Variants in CREB5 observed in about 807,000 individuals in gnomAD.
The protein encoded by CREB5 is cyclic AMP-responsive element-binding protein 5.
In CREB5, 19 loss-of-function variants were observed where a neutral mutation model predicts 57.1. The observed-to-expected ratio is 0.33, with a 90% confidence interval of 0.23 to 0.49. The LOEUF (loss-of-function observed/expected upper bound fraction) is 0.49, where lower values mean the gene tolerates loss of function less well. Among genes scored for constraint, CREB5 ranks in the 20% least tolerant of loss-of-function variants. The pLI is 0.99. For missense variants in CREB5, 579 were observed against 671.6 expected (o/e 0.86, Z 1.52); for synonymous variants, 238 against 238.3 (o/e 1.00, Z 0.01).
chr7:28,521,132 A>ATG (rs886106362), intron 4 of CREB5, among the ~76,000 whole-genome samples: 7 of 151,866 alleles, frequency 4.6e-5, no homozygotes, highest in Non-Finnish European at 8.8e-5. Flanking sequence ...TGCACAGTGC[A>ATG]TGTGTGTGTG....
chr7:28,619,297 C>A, intron 5 of CREB5, among the ~76,000 whole-genome samples: 1 of 152,172 alleles, frequency 6.6e-6, no homozygotes, highest in East Asian at 1.9e-4. Context: ...TAGCTTGGAT[C>A]TGGAAGAGAA....
chr7:28,697,059 T>G (rs896541581), intron 5 of CREB5, among the ~76,000 whole-genome samples: 2 of 151,748 alleles, frequency 1.3e-5, no homozygotes, highest in Non-Finnish European at 2.9e-5. Context: ...GTGTATAATA[T>G]GCACACATAC....
At chr7:28,749,674 A>C (rs1291716320) in intron 7 of CREB5, 2 of 152,192 alleles carry the variant, frequency 1.3e-5, no homozygotes, top group Non-Finnish European at 2.9e-5. Flanking sequence ...AGTCATCTGC[A>C]TTTTATAGGT....
chr7:28,487,549 G>C (rs887622863), intron 1 of CREB5, among the ~76,000 whole-genome samples: 4 of 152,160 alleles, frequency 2.6e-5, no homozygotes, highest in African/African-American at 9.7e-5. Context: ...CTGCGTACTT[G>C]GATAACTTTT....
At chr7:28,672,928 A>G (rs1011446595) in intron 5 of CREB5, among the ~76,000 whole-genome samples, 7 of 152,182 alleles carry the variant, frequency 4.6e-5, no homozygotes, top group Admixed American at 1.3e-4. Flanking sequence ...TTTTCCATAA[A>G]TTTGAAGTAA....
chr7:28,516,549 T>TAAC (rs1792964708), intron 4 of CREB5, among the ~76,000 whole-genome samples: 3 of 152,184 alleles, frequency 2.0e-5, no homozygotes. Flanking sequence ...CTGCAGCCTG[T>TAAC]AAGGGCCACT....
chr7:28,785,281 G>T (rs747417876), intron 7 of CREB5, among the ~76,000 whole-genome samples: 1 of 152,200 alleles, frequency 6.6e-6, no homozygotes, highest in Non-Finnish European at 1.5e-5. Flanking sequence ...TCTCAGAGGT[G>T]CTTGCGTTAT....
chr7:28,559,471 C>T (rs1240646513), intron 4 of CREB5, among the ~76,000 whole-genome samples: 1 of 152,140 alleles, frequency 6.6e-6, no homozygotes, highest in Non-Finnish European at 1.5e-5. Context: ...TGTGCCACCA[C>T]ACCCAGCTAA....
chr7:28,579,114 G>T (rs1259131205), intron 5 of CREB5, among the ~76,000 whole-genome samples: 2 of 152,150 alleles, frequency 1.3e-5, no homozygotes, highest in Non-Finnish European at 2.9e-5. Context: ...CTTGCTGGGG[G>T]CCTGACTTTT....
At position 28,531,487 on chromosome 7, in the gene CREB5, A is replaced by T. The variant is rs140737260; in HGVS notation, c.291+23750A>T. Among the ~76,000 whole-genome samples the T allele has an allele frequency of 4.5e-3, 681 of 152,190 alleles. 7 individuals are homozygous for T. Among genetic ancestry groups the T allele is most frequent in the African/African-American group, 0.016 (657 of 41,512 alleles). The stretch of plus-strand genomic sequence containing the variant: ...CCACATTTCCCCTTTTCATAAGGAC[A>T]CCACTCATGATAGATTGGGAGCCTA... On this transcript the variant is annotated intron_variant, in intron 4 of 10. Coordinates refer to ENST00000357727, the MANE Select transcript of CREB5 (RefSeq NM_182898.4).
Position 28,665,055 on chromosome 7 carries a change from A to T in CREB5, c.465-53698A>T, listed in dbSNP as rs186117300. 2.0e-5 allele frequency among the ~76,000 whole-genome samples: 3 copies of T among 152,338 alleles called. No individual in the cohort carries two copies. The East Asian group carries it at 5.8e-4, about 29-fold the overall frequency. On this transcript the variant is annotated intron_variant, in intron 5 of 10. Coordinates refer to ENST00000357727, the MANE Select transcript of CREB5 (RefSeq NM_182898.4). ...AGTGGTTATCATGCCTTTGCCCAAAAGGCTAAGAAAAAGACAAAAGCTGGG... is the reference window on the plus strand; with the variant it reads ...AGTGGTTATCATGCCTTTGCCCAAATGGCTAAGAAAAAGACAAAAGCTGGG...
intron 1 of CREB5, among the ~76,000 whole-genome samples, chr7:28,320,826 G>A (rs1785483249): frequency 6.6e-6 from 1 of 152,202 alleles, no homozygotes; most frequent in African/African-American, 2.4e-5. Context: ...TTTTATGAGT[G>A]AAAAGACAAA....
chr7:28,810,505 C>G (rs1204197484), intron 9 of CREB5, among the ~76,000 whole-genome samples: 1 of 151,948 alleles, frequency 6.6e-6, no homozygotes, highest in Non-Finnish European at 1.5e-5. Flanking sequence ...CCAGCCTGGC[C>G]AAGGTGCAGA....
At chr7:28,594,626 A>C (rs216755) in intron 5 of CREB5, among the ~76,000 whole-genome samples, 79,050 of 152,012 alleles carry the variant, frequency 0.52, 21,366 homozygotes, top group African/African-American at 0.65. Flanking sequence ...GTGCTTGGAG[A>C]TCAATAGACA....
At chr7:28,466,924 G>A (rs762565625) in intron 1 of CREB5, among the ~76,000 whole-genome samples, 4 of 152,236 alleles carry the variant, frequency 2.6e-5, no homozygotes, top group Non-Finnish European at 5.9e-5. Context: ...ACTTGAAGGG[G>A]TAATCAAAGA....
chr7:28,631,396 T>C (rs41302), intron 5 of CREB5, among the ~76,000 whole-genome samples: 102,859 of 152,100 alleles, frequency 0.68, 35,657 homozygotes, highest in African/African-American at 0.83. Context: ...CACTCAATCC[T>C]TTGAGATTCA....
rs188186219 is a variant in CREB5 at position 28,631,574 on chromosome 7, G to C, written c.464+61037G>C. ...CTTTTTCGGAGGGGGCGGCAGAGGG[G>C]ATGAAGTCTCCCTCTGTTCCTCTAT... On this transcript the variant is annotated intron_variant, in intron 5 of 10. Coordinates refer to ENST00000357727, the MANE Select transcript of CREB5 (RefSeq NM_182898.4). Among the ~76,000 whole-genome samples, 4 of 152,200 alleles carry C rather than the reference G, an allele frequency of 2.6e-5. No individual in the cohort carries two copies. In the East Asian group the frequency reaches 7.7e-4, roughly 29 times the overall value.
intron 3 of CREB5, among the ~76,000 whole-genome samples, chr7:28,497,326 C>A (rs1792099015): frequency 6.6e-6 from 1 of 152,238 alleles, no homozygotes; most frequent in Admixed American, 6.6e-5. Context: ...TAATCTCTTG[C>A]AGCTTTGCAA....
At chr7:28,812,334 G>A (rs767857466) in intron 9 of CREB5, among the ~76,000 whole-genome samples, 2 of 152,228 alleles carry the variant, frequency 1.3e-5, no homozygotes, top group Non-Finnish European at 2.9e-5. Context: ...GGAAAGTAAA[G>A]ATGTCCACAG....
Sources: allele counts gnomAD v4.1 joint callset (sites outside exome capture counted in the v4.1 genomes callset), GRCh38; gene constraint gnomAD v4.1.1; transcripts MANE v1.5; gene names NCBI Gene and HGNC (gene_info 2026-07-23, HGNC 2026-07-21).